The following ASH1L variants were observed in gnomAD, a reference collection of about 807,000 sequenced individuals.
ASH1L encodes the protein histone-lysine N-methyltransferase ASH1L.
ASH1L carries 23 observed loss-of-function variants against 269.0 expected under a neutral mutation model. The ratio of observed to expected loss-of-function variants is 0.09; its 90% confidence interval spans 0.06 to 0.12. The LOEUF (loss-of-function observed/expected upper bound fraction) is 0.12, where lower values mean the gene tolerates loss of function less well. ASH1L is among the 10% of genes least tolerant of loss of function. ASH1L has a pLI of 1.00. For missense variants in ASH1L, 2,912 were observed against 3,567.8 expected (o/e 0.82, Z 4.68); for synonymous variants, 1,187 against 1,253.5 (o/e 0.95, Z 1.12).
intron 1 of ASH1L, among the ~76,000 whole-genome samples, chr1:155,535,519 G>A (rs1019029745): frequency 1.7e-4 from 26 of 151,856 alleles, no homozygotes; most frequent in South Asian, 2.1e-4. Flanking sequence ...GGTGGTTCAC[G>A]CCTGTAATCC....
intron 4 of ASH1L, among the ~76,000 whole-genome samples, chr1:155,453,053 T>G (rs1371743644): frequency 6.6e-6 from 1 of 152,144 alleles, no homozygotes; most frequent in African/African-American, 2.4e-5. Flanking sequence ...TTAAGACTAC[T>G]CATCACATGT....
Position 155,390,029 on chromosome 1 carries a change from A to C in ASH1L, c.6103+5430T>G, listed in dbSNP as rs188552875. Among the ~76,000 whole-genome samples the C allele has an allele frequency of 2.3e-3, 354 of 152,118 alleles. 1 individual carries two copies. Among genetic ancestry groups the C allele is most frequent in the Middle Eastern group, 6.8e-3 (2 of 294 alleles). ...CTTGACTTAATACACTGCCTAGAACATCCATGTAATGCTGAGTCAGAGTGG... is the reference window on the plus strand; with the variant it reads ...CTTGACTTAATACACTGCCTAGAACCTCCATGTAATGCTGAGTCAGAGTGG... On this transcript the variant is annotated intron_variant, in intron 7 of 27. Transcript: ENST00000392403.
intron 4 of ASH1L, 70 bp downstream of exon 4, chr1:155,459,727 T>G: frequency 8.1e-7 from 1 of 1,240,242 alleles, no homozygotes; most frequent in South Asian, 1.3e-5. Context: ...TCTACAATAT[T>G]GTAACTCCTT....
At chr1:155,426,903 G>A (rs1661202363) in intron 5 of ASH1L, among the ~76,000 whole-genome samples, 1 of 152,084 alleles carries the variant, frequency 6.6e-6, no homozygotes, top group African/African-American at 2.4e-5. Context: ...GGATAAGACA[G>A]AATCCAATTT....
intron 5 of ASH1L, chr1:155,433,737 G>A (rs560817997): frequency 4.1e-5 from 66 of 1,602,650 alleles, no homozygotes; most frequent in Admixed American, 3.1e-4. Flanking sequence ...ACCATCTGCC[G>A]CTTTGAGGGT....
rs1236856165 is a variant in ASH1L, at chr1:155,360,353, C to T, written c.6743G>A (p.Gly2248Glu). Residue 2248 changes from glycine (G) to glutamate (E), a missense_variant, in exon 13 of 28, where the codon GGG becomes GAG. This residue lies in a region of ASH1L where 309 missense variants were observed against 435.1 expected (regional missense o/e 0.71). Coordinates refer to ENST00000392403, the MANE Select transcript of ASH1L (RefSeq NM_018489.3). Reference sequence around the variant, plus strand: ...GTTATAATCATAAGTGAGTTCAGTCCCAGCTGGCATGTCTTTAAGAGCATA... The same window carrying T: ...GTTATAATCATAAGTGAGTTCAGTCTCAGCTGGCATGTCTTTAAGAGCATA... Reference protein sequence around the residue: ...GLYALKDMPAGTELTYDYNFH... With the variant: ...GLYALKDMPAETELTYDYNFH... 6.2e-7 allele frequency: 1 copy of T among 1,613,748 alleles called. No individual in the cohort carries two copies. The highest frequency in any genetic ancestry group is 1.7e-5 in the Admixed American group (1 of 60,012).
At chr1:155,498,778 G>A (rs1278012425) in intron 2 of ASH1L, among the ~76,000 whole-genome samples, 2 of 151,460 alleles carry the variant, frequency 1.3e-5, no homozygotes, top group South Asian at 4.2e-4. Context: ...TAGAGACAGG[G>A]TCTCTCTATG....
chr1:155,534,206 C>T (rs1669891508), intron 1 of ASH1L, among the ~76,000 whole-genome samples: 1 of 147,860 alleles, frequency 6.8e-6, no homozygotes, highest in African/African-American at 2.5e-5. Flanking sequence ...TTGGAATTCA[C>T]AAAGAAGGTA....
Position 155,514,741 on chromosome 1 carries a change from T to A in ASH1L, c.420+6359A>T, listed in dbSNP as rs370793684. Among the ~76,000 whole-genome samples, 107 of 152,060 alleles carry A rather than the reference T, an allele frequency of 7.0e-4. 1 individual carries two copies. The South Asian group carries it at 0.02, about 29-fold the overall frequency. On this transcript the variant is annotated intron_variant, in intron 2 of 27. Transcript: ENST00000392403. ...GGTTCAGGAAGTTTTGCAAAGGAGG[T>A]AAGAGCCTTGAAGATAAGAAGCACA...
chr1:155,467,371 A>C (rs1292219492), intron 3 of ASH1L, among the ~76,000 whole-genome samples: 1 of 152,176 alleles, frequency 6.6e-6, no homozygotes, highest in East Asian at 1.9e-4. Context: ...GGCCTTACTT[A>C]AGTGTGTAAT....
intron 25 of ASH1L, among the ~76,000 whole-genome samples, chr1:155,341,312 G>T (rs539067002): frequency 1.3e-5 from 2 of 152,068 alleles, no homozygotes; most frequent in Non-Finnish European, 2.9e-5. Flanking sequence ...GAGTAGCTGG[G>T]ACCACAGGCA....
At chr1:155,374,083 C>T (rs1339928326) in intron 10 of ASH1L, among the ~76,000 whole-genome samples, 4 of 152,174 alleles carry the variant, frequency 2.6e-5, no homozygotes, top group Admixed American at 1.3e-4. Flanking sequence ...AATCCCAGCA[C>T]TTTGGGGGGC....
chr1:155,449,252 T>A (rs1663281256), intron 4 of ASH1L, among the ~76,000 whole-genome samples: 1 of 152,198 alleles, frequency 6.6e-6, no homozygotes, highest in Non-Finnish European at 1.5e-5. Flanking sequence ...CTTTCATTTT[T>A]ATTCATTTCA....
At chr1:155,459,932 A>C in intron 3 of ASH1L, 34 bp from the exon 4 acceptor site, 1 of 1,506,002 alleles carries the variant, frequency 6.6e-7, no homozygotes, top group Non-Finnish European at 9.0e-7. Context: ...AATCATAGGA[A>C]AATTCAACTT....
At chr1:155,555,627 T>C (rs1194054898) in intron 1 of ASH1L, among the ~76,000 whole-genome samples, 1 of 152,170 alleles carries the variant, frequency 6.6e-6, no homozygotes, top group African/African-American at 2.4e-5. Context: ...TCTTGTGCAT[T>C]TGAAAAAAGC....
rs189684880 is a variant in ASH1L, at chr1:155,489,215, G to C, written c.421-6766C>G. On this transcript the variant is annotated intron_variant, in intron 2 of 27. Coordinates refer to ENST00000392403, the MANE Select transcript of ASH1L (RefSeq NM_018489.3). ...TATGTGGGCGCGGTGGCTCACACCTGTAATCCTAGCACTTTGGGAGGCCGA... is the reference window on the plus strand; with the variant it reads ...TATGTGGGCGCGGTGGCTCACACCTCTAATCCTAGCACTTTGGGAGGCCGA... Among the ~76,000 whole-genome samples, 6 of 152,256 alleles carry C rather than the reference G, an allele frequency of 3.9e-5. No homozygotes were observed. The East Asian group carries it at 1.2e-3, about 29-fold the overall frequency.
intron 6 of ASH1L, among the ~76,000 whole-genome samples, chr1:155,411,968 G>A (rs1314592899): frequency 6.6e-6 from 1 of 152,004 alleles, no homozygotes; most frequent in Non-Finnish European, 1.5e-5. Context: ...GAGGCCGGGC[G>A]CTGTGGCTCA....
At position 155,341,896 on chromosome 1, in the gene ASH1L, T is replaced by A. The variant is rs1490252117; in HGVS notation, c.8460+40A>T. On this transcript the variant is annotated intron_variant, in intron 25 of 27. Coordinates refer to ENST00000392403, the MANE Select transcript of ASH1L (RefSeq NM_018489.3). ...CAGTGAATTTCATGCATGAACCAGA[T>A]TGTCCTAACATGTAGTGTTAAGAAA... is the stretch of plus-strand genomic sequence containing the variant. The A allele has an allele frequency of 2.5e-6, 4 of 1,586,992 alleles. No homozygotes were observed. In the East Asian group the frequency reaches 9.0e-5, roughly 36 times the overall value.
intron 2 of ASH1L, among the ~76,000 whole-genome samples, chr1:155,501,517 G>A (rs1667499968): frequency 6.6e-6 from 1 of 151,804 alleles, no homozygotes; most frequent in Admixed American, 6.6e-5. Context: ...ACTACAGGTG[G>A]GTGTCACCAT....
Sources: allele counts gnomAD v4.1 joint callset (sites outside exome capture counted in the v4.1 genomes callset), GRCh38; gene constraint gnomAD v4.1.1; regional missense constraint gnomAD v4.1.1; transcripts MANE v1.5; gene names NCBI Gene and HGNC (gene_info 2026-07-23, HGNC 2026-07-21).